Variants in STIM2 observed in about 807,000 individuals in gnomAD.
The protein encoded by STIM2 is stromal interaction molecule 2.
In STIM2, 31 loss-of-function variants were observed where a neutral mutation model predicts 85.8. The observed-to-expected ratio is 0.36, with a 90% CI of 0.27 to 0.49. The LOEUF (loss-of-function observed/expected upper bound fraction) is 0.49. Ranked by LOEUF, STIM2 falls within the 20% of genes least tolerant of loss-of-function variation. The pLI, the probability that STIM2 is intolerant of heterozygous loss-of-function variation, is 0.98. For missense variants in STIM2, 841 were observed against 927.6 expected (o/e 0.91, Z 1.21); for synonymous variants, 356 against 331.1 (o/e 1.08, Z -0.82).
At chr4:26,880,943 CAA>C (rs886437368) in intron 1 of STIM2, among the ~76,000 whole-genome samples, 39 of 151,860 alleles carry the variant, frequency 2.6e-4, no homozygotes, top group African/African-American at 8.9e-4. Flanking sequence ...GAGAATAAAA[CAA>C]ATTTTACTCT....
chr4:26,880,391 T>C, intron 1 of STIM2, among the ~76,000 whole-genome samples: 1 of 152,070 alleles, frequency 6.6e-6, no homozygotes, highest in South Asian at 2.1e-4. Context: ...CGGTATTTTG[T>C]TAATTTCCTT....
chr4:26,964,399 A>G (rs886141624), intron 3 of STIM2, among the ~76,000 whole-genome samples: 1 of 152,206 alleles, frequency 6.6e-6, no homozygotes, highest in East Asian at 1.9e-4. Flanking sequence ...AAGAGCTACT[A>G]TAGCTTCTTG....
intron 10 of STIM2, among the ~76,000 whole-genome samples, chr4:27,011,142 A>G (rs1488259043): frequency 6.6e-6 from 1 of 152,226 alleles, no homozygotes; most frequent in Non-Finnish European, 1.5e-5. Context: ...GTTGTGACTT[A>G]TGCTAAAGCC....
At position 27,017,965 on chromosome 4, in the gene STIM2, T is replaced by C. The variant is rs1396016056; in HGVS notation, c.1744T>C (p.Phe582Leu). Residue 582 changes from phenylalanine to leucine, a missense_variant, in exon 11 of 12, where the codon TTC becomes CTC. Physicochemically the swap from Phe to Leu is conservative, Grantham distance 22 (BLOSUM62 0). Coordinates refer to ENST00000467087, the MANE Select transcript of STIM2 (RefSeq NM_020860.4). ...TGAAGAGGAGGAAGAGGCCATTTAC[T>C]TCTCTGCTGAAAAGCAATGGTATTG... The C allele has an allele frequency of 6.2e-7, 1 of 1,614,068 alleles. No homozygotes were observed. The highest frequency in any genetic ancestry group is 1.7e-5 in the Admixed American group (1 of 60,000).
chr4:27,011,058 T>G (rs990371698), intron 10 of STIM2, among the ~76,000 whole-genome samples: 8 of 152,204 alleles, frequency 5.3e-5, no homozygotes, highest in African/African-American at 1.9e-4. Flanking sequence ...ACATTTTTCT[T>G]TATCTTTTTC....
intron 3 of STIM2, among the ~76,000 whole-genome samples, chr4:26,983,745 T>C (rs891692199): frequency 2.0e-5 from 3 of 152,236 alleles, no homozygotes; most frequent in African/African-American, 7.2e-5. Context: ...TTTGTATTCA[T>C]TTTTTGTTGA....
chr4:26,927,528 G>T (rs1282691223), intron 2 of STIM2, among the ~76,000 whole-genome samples: 111 of 57,850 alleles, frequency 1.9e-3, no homozygotes, highest in African/African-American at 7.0e-3. Flanking sequence ...TGGGGACTGT[G>T]GTGGGGTCGG....
At chr4:26,991,684 C>T (rs752380870) in intron 3 of STIM2, among the ~76,000 whole-genome samples, 1 of 151,866 alleles carries the variant, frequency 6.6e-6, no homozygotes, top group Admixed American at 6.6e-5. Context: ...ATATGTACTC[C>T]CAACATATGT....
intron 3 of STIM2, among the ~76,000 whole-genome samples, chr4:26,979,169 T>A (rs2109111876): frequency 6.6e-6 from 1 of 152,350 alleles, no homozygotes; most frequent in Middle Eastern, 3.4e-3. Flanking sequence ...TGGTACTTTT[T>A]ACTTTGAAAC....
chr4:27,004,161 C>G (rs1265840455), intron 7 of STIM2, among the ~76,000 whole-genome samples: 1 of 152,150 alleles, frequency 6.6e-6, no homozygotes, highest in Non-Finnish European at 1.5e-5. Flanking sequence ...CTGTTTCCTT[C>G]AAGATTGTCA....
intron 1 of STIM2, among the ~76,000 whole-genome samples, chr4:26,890,337 A>G (rs1309048498): frequency 1.3e-5 from 2 of 152,126 alleles, no homozygotes; most frequent in African/African-American, 4.8e-5. Flanking sequence ...TTGAACCTTC[A>G]GGGCCTGCTT....
intron 10 of STIM2, among the ~76,000 whole-genome samples, chr4:27,012,611 T>C (rs1422961125): frequency 6.6e-6 from 1 of 152,012 alleles, no homozygotes; most frequent in African/African-American, 2.4e-5. Context: ...TTTAAGTATT[T>C]TATGGTAGTC....
chr4:26,987,082 C>A (rs1051834037), intron 3 of STIM2, among the ~76,000 whole-genome samples: 1 of 152,144 alleles, frequency 6.6e-6, no homozygotes, highest in African/African-American at 2.4e-5. Flanking sequence ...CCTAGTTGTA[C>A]AGCTGGGATG....
chr4:26,969,975 A>G (rs956858441), intron 3 of STIM2, among the ~76,000 whole-genome samples: 1 of 150,006 alleles, frequency 6.7e-6, no homozygotes, highest in African/African-American at 2.5e-5. Flanking sequence ...ACAAAGTTTC[A>G]TTTTAAAATT....
chr4:26,905,252 A>AT (rs767782296), intron 1 of STIM2, among the ~76,000 whole-genome samples: 1 of 152,192 alleles, frequency 6.6e-6, no homozygotes, highest in Non-Finnish European at 1.5e-5. Flanking sequence ...CCATATTGAG[A>AT]TAAAAAGTAG....
At chr4:27,016,981 C>CTTTTG (rs1331612374) in intron 10 of STIM2, among the ~76,000 whole-genome samples, 2 of 152,184 alleles carry the variant, frequency 1.3e-5, no homozygotes, top group African/African-American at 4.8e-5. Context: ...GATGCTATAG[C>CTTTTG]ATCTGAACCA....
chr4:26,999,378 G>A (rs1286168008), intron 5 of STIM2, 31 bp downstream of exon 5: 2 of 1,354,286 alleles, frequency 1.5e-6, no homozygotes, highest in Admixed American at 2.0e-5. Flanking sequence ...AGAGGATGAT[G>A]TAAAAGAATA....
chr4:26,936,804 G>A (rs1261273818), intron 2 of STIM2, among the ~76,000 whole-genome samples: 8 of 151,840 alleles, frequency 5.3e-5, no homozygotes, highest in Non-Finnish European at 7.4e-5. Flanking sequence ...TGCCTTTTTT[G>A]TTTGAGACAG....
At chr4:26,915,537 G>A (rs1196791927) in intron 1 of STIM2, among the ~76,000 whole-genome samples, 1 of 152,066 alleles carries the variant, frequency 6.6e-6, no homozygotes, top group African/African-American at 2.4e-5. Context: ...TGCCCAGCCT[G>A]TAGTAGATAT....
Sources: gnomAD v4.1 joint callset for allele counts (sites outside exome capture counted in the v4.1 genomes callset) on GRCh38, gnomAD v4.1.1 for gene constraint, MANE v1.5 for transcripts, NCBI Gene and HGNC (gene_info 2026-07-23, HGNC 2026-07-21) for gene names.